Variants in TLCD4 observed in about 807,000 individuals in gnomAD.
The protein encoded by TLCD4 is TLC domain containing 4.
Under a neutral mutation model 24.2 loss-of-function variants are expected in TLCD4, and 7 were observed. The ratio of observed to expected loss-of-function variants is 0.29; its 90% CI spans 0.16 to 0.54. The LOEUF (loss-of-function observed/expected upper bound fraction) is 0.54, where lower values mean the gene tolerates loss of function less well. Among genes scored for constraint, TLCD4 ranks in the 20% least tolerant of loss-of-function variants. The probability of loss-of-function intolerance (pLI) is 0.95; values close to 1 mark genes in which losing one functional copy is unlikely to be tolerated. For missense variants in TLCD4, 259 were observed against 313.9 expected (o/e 0.82, Z 1.32); for synonymous variants, 103 against 106.4 (o/e 0.97, Z 0.20).
At chr1:95,174,602 T>C (rs4949994) in intron 6 of TLCD4, among the ~76,000 whole-genome samples, 60,155 of 151,418 alleles carry the variant, frequency 0.4, 13,315 homozygotes, top group East Asian at 0.62. Flanking sequence ...GCGGAAGGAT[T>C]GCATGAGTCC....
upstream of TLCD4, among the ~76,000 whole-genome samples, chr1:95,112,494 C>T (rs1676359386): frequency 6.6e-6 from 1 of 152,126 alleles, no homozygotes; most frequent in South Asian, 2.1e-4. Context: ...ATCAATATGA[C>T]ATTTCAGACT....
chr1:95,170,479 G>A (rs1311460776), intron 5 of TLCD4, among the ~76,000 whole-genome samples: 7 of 151,626 alleles, frequency 4.6e-5, no homozygotes, highest in African/African-American at 7.3e-5. Context: ...ATAGGCACCC[G>A]CCACCACGCC....
chr1:95,104,436 G>A, the TLCD4 span, among the ~76,000 whole-genome samples: 5 of 151,898 alleles, frequency 3.3e-5, no homozygotes, highest in Non-Finnish European at 7.4e-5. Context: ...AGGCCGAGGC[G>A]GGCGGATCAG....
chr1:95,128,795 A>G (rs1676811603), intron 1 of TLCD4, among the ~76,000 whole-genome samples: 1 of 152,222 alleles, frequency 6.6e-6, no homozygotes, highest in African/African-American at 2.4e-5. Flanking sequence ...CTGGGATATG[A>G]ACATTTTAAA....
At chr1:95,138,935 C>T (rs1231592857) in intron 1 of TLCD4, among the ~76,000 whole-genome samples, 1 of 151,084 alleles carries the variant, frequency 6.6e-6, no homozygotes, top group African/African-American at 2.4e-5. Flanking sequence ...TACCTGTAAT[C>T]CCAGTGGTTT....
At chr1:95,175,143 C>A (rs762179034) in intron 6 of TLCD4, among the ~76,000 whole-genome samples, 1 of 152,094 alleles carries the variant, frequency 6.6e-6, no homozygotes, top group Admixed American at 6.6e-5. Flanking sequence ...TGCAACAGAC[C>A]GTTAGAACTT....
chr1:95,177,601 T>C (rs912810540), intron 6 of TLCD4, among the ~76,000 whole-genome samples: 1 of 152,176 alleles, frequency 6.6e-6, no homozygotes, highest in African/African-American at 2.4e-5. Context: ...AAATTTTTGT[T>C]TAACCGCTAG....
chr1:95,169,573 G>C (rs1481635627), intron 5 of TLCD4, among the ~76,000 whole-genome samples: 1 of 152,052 alleles, frequency 6.6e-6, no homozygotes, highest in African/African-American at 2.4e-5. Context: ...CAGTATGAAA[G>C]GAGTTGGAAA....
In TLCD4 at chr1:95,192,375, C is replaced by G. The variant is rs1372627742; in HGVS notation, c.*507C>G. ...GATGTCTTTTCTGCCTTTCTTTTGC[C>G]TTATTTACAAGCATGGATAAAAATC... is the stretch of plus-strand genomic sequence containing the variant. On this transcript the variant is annotated 3_prime_UTR_variant, in exon 7 of 7. Transcript: ENST00000370203. 1 of 152,040 alleles carries G rather than the reference C, an allele frequency of 6.6e-6. No homozygotes were observed. The highest frequency in any genetic ancestry group is 1.5e-5 in the Non-Finnish European group (1 of 68,338). 9.4% of individuals were successfully genotyped at this position (152,040 alleles called of 1,614,324 possible).
upstream of TLCD4, among the ~76,000 whole-genome samples, chr1:95,116,384 G>A (rs563327595): frequency 1.9e-4 from 29 of 152,192 alleles, no homozygotes; most frequent in South Asian, 5.0e-3. Flanking sequence ...TATATTTTCT[G>A]GTCTAAATCT....
intron 5 of TLCD4, among the ~76,000 whole-genome samples, chr1:95,162,757 A>T (rs1168669503): frequency 6.6e-6 from 1 of 152,146 alleles, no homozygotes; most frequent in African/African-American, 2.4e-5. Context: ...TCCTTCACTT[A>T]TGAAGCTTAG....
chr1:95,170,009 G>A (rs1678150248), intron 5 of TLCD4, among the ~76,000 whole-genome samples: 2 of 152,086 alleles, frequency 1.3e-5, no homozygotes, highest in African/African-American at 4.8e-5. Context: ...TTATTTGAAG[G>A]ATACAGTAAG....
the TLCD4 span, among the ~76,000 whole-genome samples, chr1:95,103,139 C>T: frequency 2.2e-4 from 33 of 152,128 alleles, no homozygotes; most frequent in African/African-American, 7.0e-4. Context: ...CCACCATGCC[C>T]GTCTAATTTT....
At chr1:95,101,867 G>A in the TLCD4 span, among the ~76,000 whole-genome samples, 1 of 152,286 alleles carries the variant, frequency 6.6e-6, no homozygotes, top group South Asian at 2.1e-4. Context: ...GTGTGTGTTG[G>A]GGGCAACATG....
chr1:95,137,722 C>T (rs537500401), intron 1 of TLCD4, among the ~76,000 whole-genome samples: 30 of 151,416 alleles, frequency 2.0e-4, no homozygotes, highest in African/African-American at 7.3e-4. Flanking sequence ...CTTTCCCTCC[C>T]TCCCTCCCTT....
chr1:95,121,547 TG>T (rs1477579477), intron 1 of TLCD4, among the ~76,000 whole-genome samples: 4 of 152,342 alleles, frequency 2.6e-5, no homozygotes, highest in African/African-American at 9.6e-5. Flanking sequence ...CTTGGCTCAC[TG>T]CAACTTCCGC....
chr1:95,157,115 G>T (rs953163123), intron 5 of TLCD4, among the ~76,000 whole-genome samples: 1 of 152,058 alleles, frequency 6.6e-6, no homozygotes, highest in African/African-American at 2.4e-5. Context: ...ATTTAAAAAA[G>T]CTGTTTTAGG....
At chr1:95,160,554 G>A (rs1188156160) in intron 5 of TLCD4, among the ~76,000 whole-genome samples, 2 of 152,188 alleles carry the variant, frequency 1.3e-5, no homozygotes, top group African/African-American at 2.4e-5. Flanking sequence ...TTGAATAGGA[G>A]TGGTGAGAGA....
intron 5 of TLCD4, among the ~76,000 whole-genome samples, chr1:95,158,691 C>A (rs1372367220): frequency 3.0e-5 from 4 of 134,548 alleles, no homozygotes; most frequent in African/African-American, 8.2e-5. Flanking sequence ...CCGGTGTGTG[C>A]TGTTCCCCAT....
Sources: allele counts gnomAD v4.1 joint callset (sites outside exome capture counted in the v4.1 genomes callset), GRCh38; gene constraint gnomAD v4.1.1; transcripts MANE v1.5; gene names NCBI Gene and HGNC (gene_info 2026-07-23, HGNC 2026-07-21).